The following TANK variants were observed in gnomAD, a reference collection of about 807,000 sequenced individuals.
The protein encoded by TANK is TRAF family member associated NFKB activator.
A neutral mutation model predicts 43.6 loss-of-function variants in TANK; 15 were observed. The observed-to-expected ratio is 0.34, with a 90% confidence interval of 0.23 to 0.53. TANK has a LOEUF of 0.53. TANK is among the 20% of genes least tolerant of loss of function. The probability of loss-of-function intolerance (pLI) is 0.94; values close to 1 mark genes in which losing one functional copy is unlikely to be tolerated. For synonymous variants in TANK, 162 were observed against 178.2 expected, an observed-to-expected ratio of 0.91 and a Z score of 0.73; for missense variants, 417 against 498.6, an observed-to-expected ratio of 0.84 and a Z score of 1.56.
chr2:161,182,377 C>G (rs929893679), intron 2 of TANK, among the ~76,000 whole-genome samples: 1 of 152,166 alleles, frequency 6.6e-6, no homozygotes, highest in Non-Finnish European at 1.5e-5. Context: ...GAACTTCTAA[C>G]CAACTAGTTT....
At chr2:161,182,882 A>G (rs758055471) in intron 2 of TANK, among the ~76,000 whole-genome samples, 3 of 152,150 alleles carry the variant, frequency 2.0e-5, no homozygotes, top group Non-Finnish European at 2.9e-5. Flanking sequence ...GATAACCCAT[A>G]GTCATATTAG....
In TANK at chr2:161,235,390, A is replaced by C; in HGVS notation, c.1150A>C (p.Ser384Arg). 3.1e-6 allele frequency: 5 copies of C among 1,613,232 alleles called. No individual in the cohort carries two copies. The highest frequency in any genetic ancestry group is 1.3e-5 in the African/African-American group (1 of 74,956). The change falls in exon 8 of 8, where the codon AGT becomes CGT. Residue 384 changes from serine to arginine, a missense_variant. Ser to Arg is a moderately radical substitution (Grantham distance 110, BLOSUM62 -1). Transcript: ENST00000392749. Reference sequence around the variant, plus strand: ...TCAAGACAGTGACTCGGTGGTACTAAGTGGCACAGACTCAGAACTGCATAT... The same window carrying C: ...TCAAGACAGTGACTCGGTGGTACTACGTGGCACAGACTCAGAACTGCATAT... ...PNQDSDSVVL[S>R]GTDSELHIPR...
chr2:161,181,578 G>A (rs1243188209), intron 2 of TANK, among the ~76,000 whole-genome samples: 1 of 152,116 alleles, frequency 6.6e-6, no homozygotes, highest in Non-Finnish European at 1.5e-5. Flanking sequence ...GCAGAACCAA[G>A]TACCTTCTTC....
Position 161,235,384 on chromosome 2 carries a change from G to C in TANK, c.1144G>C (p.Val382Leu), listed in dbSNP as rs1046089319. 3 of 1,612,420 alleles carry C rather than the reference G, an allele frequency of 1.9e-6. No individual in the cohort carries two copies. Among genetic ancestry groups the C allele is most frequent in the East Asian group, 4.5e-5 (2 of 44,744 alleles). ...PFPNQDSDSV[V>L]LSGTDSELHI... ...TCCTAATCAAGACAGTGACTCGGTG[G>C]TACTAAGTGGCACAGACTCAGAACT... The change falls in exon 8 of 8, where the codon GTA becomes CTA. Residue 382 changes from valine to leucine, a missense_variant. Physicochemically the swap from Val to Leu is conservative, Grantham distance 32 (BLOSUM62 1). Coordinates refer to ENST00000392749, the MANE Select transcript of TANK (RefSeq NM_001199135.3).
chr2:161,167,570 TGGG>T (rs1198134536), intron 1 of TANK, among the ~76,000 whole-genome samples: 5 of 152,134 alleles, frequency 3.3e-5, no homozygotes, highest in Non-Finnish European at 5.9e-5. Context: ...CAGGTTGCCT[TGGG>T]GGGTTGCTCC....
rs775347757 is a variant in TANK at position 161,231,431 on chromosome 2, G to A, written c.981G>A (p.Ala327=). Residue 327 remains alanine (A), a synonymous_variant, in exon 7 of 8, where the codon GCG becomes GCA. Coordinates refer to ENST00000392749, the MANE Select transcript of TANK (RefSeq NM_001199135.3). The part of the protein sequence containing the change: ...TCIRTTLDRA[A]CLPPGDHNAL... ...TCAGGACAACTCTGGATAGAGCTGC[G>A]TGTTTGCCACCTGGAGACCATAATG... 12 of 1,614,002 alleles carry A rather than the reference G, an allele frequency of 7.4e-6. No homozygotes were observed. The highest frequency in any genetic ancestry group is 2.2e-5 in the East Asian group (1 of 44,894).
upstream of TANK, chr2:161,160,281 C>A (rs969392704): frequency 8.4e-6 from 2 of 238,416 alleles, no homozygotes; most frequent in African/African-American, 1.2e-4. Flanking sequence ...CTAGGCGGGG[C>A]GGGCAGGGGC....
At chr2:161,171,921 G>C (rs946304351) in intron 1 of TANK, among the ~76,000 whole-genome samples, 4 of 151,996 alleles carry the variant, frequency 2.6e-5, no homozygotes, top group Non-Finnish European at 4.4e-5. Context: ...AACTTTTCTG[G>C]TTAAGACCAG....
intron 4 of TANK, chr2:161,208,041 G>A (rs1440875602): frequency 4.4e-5 from 33 of 758,460 alleles, no homozygotes; most frequent in Non-Finnish European, 4.7e-5. Context: ...AAGCCACTAC[G>A]AGCCACCCAC....
chr2:161,193,189 A>C (rs772214571), intron 2 of TANK, among the ~76,000 whole-genome samples: 1 of 152,220 alleles, frequency 6.6e-6, no homozygotes, highest in Non-Finnish European at 1.5e-5. Flanking sequence ...ATTTCTTGGC[A>C]TGTGTAAGCA....
intron 1 of TANK, among the ~76,000 whole-genome samples, chr2:161,154,412 T>C (rs898321479): frequency 4.6e-5 from 7 of 152,192 alleles, no homozygotes; most frequent in Non-Finnish European, 7.3e-5. Context: ...TTGGATTTTA[T>C]TCTAAAGGTG....
chr2:161,201,129 TC>T (rs2105339870), intron 2 of TANK: 1 of 985,444 alleles, frequency 1.0e-6, no homozygotes, highest in Admixed American at 6.1e-5. Context: ...CTGTTCTGTT[TC>T]CCTTACTATA....
At chr2:161,170,105 T>C (rs1305528232) in intron 1 of TANK, among the ~76,000 whole-genome samples, 1 of 152,220 alleles carries the variant, frequency 6.6e-6, no homozygotes, top group East Asian at 1.9e-4. Flanking sequence ...CTTTGAGATC[T>C]ATCTTGTCTC....
chr2:161,173,517 T>G (rs1685045284), intron 1 of TANK, among the ~76,000 whole-genome samples: 1 of 152,136 alleles, frequency 6.6e-6, no homozygotes, highest in South Asian at 2.1e-4. Context: ...TTAACAGTTT[T>G]CTTCTTCTTT....
intron 1 of TANK, chr2:161,162,807 TTAAATAATAGA>T (rs1684505028): frequency 6.6e-6 from 1 of 152,166 alleles, no homozygotes; most frequent in African/African-American, 2.4e-5. Flanking sequence ...GAGAACAATT[TTAAATAATAGA>T]TATTGGATGT....
At position 161,231,366 on chromosome 2, in the gene TANK, A is replaced by C; in HGVS notation, c.916A>C (p.Thr306Pro). ...TTCAGCTATACAAAACCTTAAAACA[A>C]CTGACAAAACAAAGCCCTCAAATCT... ...IASAIQNLKT[T>P]DKTKPSNLVN... The change falls in exon 7 of 8, where the codon ACT (threonine) becomes CCT (proline). Residue 306 changes from threonine (T) to proline (P), a missense_variant. Physicochemically the swap from Thr to Pro is conservative, Grantham distance 38. Transcript: ENST00000392749. 3 of 1,614,150 alleles carry C rather than the reference A, an allele frequency of 1.9e-6. No homozygotes were observed. Among genetic ancestry groups the C allele is most frequent in the Non-Finnish European group, 2.5e-6 (3 of 1,180,002 alleles).
intron 2 of TANK, among the ~76,000 whole-genome samples, chr2:161,192,098 A>G (rs574780223): frequency 2.0e-5 from 3 of 152,052 alleles, no homozygotes; most frequent in South Asian, 4.2e-4. Context: ...CTTACTTTCT[A>G]TTCTTACATG....
chr2:161,177,644 A>G (rs1685226790), intron 1 of TANK, among the ~76,000 whole-genome samples: 1 of 152,264 alleles, frequency 6.6e-6, no homozygotes, highest in Non-Finnish European at 1.5e-5. Flanking sequence ...TATGACAGCA[A>G]TAGTACAAAC....
In TANK at chr2:161,200,598, G is replaced by A. The variant is rs1574027088; in HGVS notation, c.100-2889G>A. ...TACTACCTTTTTTCTAACGGTATAA[G>A]CTTCCCTTTTTAAAAAAAAGAATCT... On this transcript the variant is annotated intron_variant, in intron 2 of 7. Transcript: ENST00000392749. 9 of 937,318 alleles carry A rather than the reference G, an allele frequency of 9.6e-6. No individual in the cohort carries two copies. The South Asian group carries it at 2.0e-4, about 21-fold the overall frequency. The allele number at this position is 937,318 out of a possible 1,614,324, so 58.1% of individuals were successfully genotyped here.
Sources: allele counts gnomAD v4.1 joint callset (sites outside exome capture counted in the v4.1 genomes callset), GRCh38; gene constraint gnomAD v4.1.1; transcripts MANE v1.5; gene names NCBI Gene and HGNC (gene_info 2026-07-23, HGNC 2026-07-21).